Variants in RGS9 observed in about 807,000 individuals in gnomAD.
RGS9 encodes the protein regulator of G protein signaling 9.
Under a neutral mutation model 102.0 loss-of-function variants are expected in RGS9, and 78 were observed. That is an observed-to-expected ratio of 0.76 (90% CI 0.64 to 0.92). RGS9 has a LOEUF of 0.92. RGS9 is among the 40% of genes least tolerant of loss of function. The probability of loss-of-function intolerance (pLI) is 0.00; values close to 1 mark genes in which losing one functional copy is unlikely to be tolerated. For missense variants in RGS9, 833 were observed against 866.1 expected, an observed-to-expected ratio of 0.96 and a Z score of 0.48; for synonymous variants, 353 against 318.6, an observed-to-expected ratio of 1.11 and a Z score of -1.15.
At chr17:65,148,277 CT>C (rs1302156581) in intron 1 of RGS9, among the ~76,000 whole-genome samples, 2 of 152,190 alleles carry the variant, frequency 1.3e-5, no homozygotes, top group African/African-American at 4.8e-5. Context: ...AAACAATGTT[CT>C]TTTGTATGCA....
chr17:65,212,993 A>G (rs561260085), intron 17 of RGS9, among the ~76,000 whole-genome samples: 2 of 152,344 alleles, frequency 1.3e-5, no homozygotes, highest in South Asian at 4.1e-4. Flanking sequence ...AATGAATGAA[A>G]AGAGCCCTGG....
chr17:65,201,014 T>A (rs571267727), intron 13 of RGS9, among the ~76,000 whole-genome samples: 62 of 152,246 alleles, frequency 4.1e-4, no homozygotes, highest in African/African-American at 1.4e-3. Context: ...CCCTAACCCC[T>A]TAATTGTTCA....
intron 13 of RGS9, among the ~76,000 whole-genome samples, chr17:65,199,433 A>AGCATAATGTTTTCAGG (rs1912728551): frequency 1.3e-5 from 2 of 150,104 alleles, no homozygotes; most frequent in Non-Finnish European, 3.0e-5. Context: ...TTTTTCACTT[A>AGCATAATGTTTTCAGG]GCATAATGTT....
intron 8 of RGS9, among the ~76,000 whole-genome samples, chr17:65,171,077 C>T (rs185566348): frequency 2.6e-5 from 4 of 152,286 alleles, no homozygotes; most frequent in East Asian, 3.9e-4. Context: ...AAGCACTTGG[C>T]GCCGTGGAGT....
chr17:65,174,473 C>T (rs2144028885), intron 8 of RGS9, among the ~76,000 whole-genome samples: 1 of 150,186 alleles, frequency 6.7e-6, no homozygotes, highest in East Asian at 2.0e-4. Context: ...GCATGTATGT[C>T]AGTGTGTTGG....
At chr17:65,225,543 C>CT in intron 18 of RGS9, 57 bp downstream of exon 18, 1 of 1,598,484 alleles carries the variant, frequency 6.3e-7, no homozygotes, top group Admixed American at 1.7e-5. Context: ...GTGCAGGCCT[C>CT]TGCATGTGAA....
rs373608422 is a variant in RGS9 at position 65,168,262 on chromosome 17, G to T, written c.563G>T (p.Trp188Leu). 1 of 1,609,868 alleles carries T rather than the reference G, an allele frequency of 6.2e-7. No individual in the cohort carries two copies. Among genetic ancestry groups the T allele is most frequent in the South Asian group, 1.1e-5 (1 of 89,936 alleles). ...CTGGACTGCCAGGAGAAGGCATACT[G>T]GCTGGTGCACCGATGCCCTGTGAGT... The part of the protein sequence containing the change: ...YALDCQEKAY[W>L]LVHRCPPGMD... The change falls in exon 8 of 19, where the codon TGG (tryptophan) becomes TTG (leucine). Residue 188 changes from tryptophan to leucine, a missense_variant. By Grantham distance (61) the Trp-to-Leu change is moderately conservative (BLOSUM62 -2). This residue lies in a region of RGS9 where 328 missense variants were observed against 340.6 expected (regional missense o/e 0.96). Coordinates refer to ENST00000262406, the MANE Select transcript of RGS9 (RefSeq NM_003835.4).
intron 8 of RGS9, among the ~76,000 whole-genome samples, chr17:65,174,471 G>A (rs1911541013): frequency 6.6e-6 from 1 of 151,944 alleles, no homozygotes; most frequent in Non-Finnish European, 1.5e-5. Flanking sequence ...GAGCATGTAT[G>A]TCAGTGTGTT....
chr17:65,139,918 C>T (rs545817632), intron 1 of RGS9, among the ~76,000 whole-genome samples: 3 of 152,146 alleles, frequency 2.0e-5, no homozygotes, highest in Non-Finnish European at 4.4e-5. Flanking sequence ...CAGCTACATT[C>T]GATGTTCAGC....
chr17:65,192,988 G>A (rs1472127523), intron 11 of RGS9, among the ~76,000 whole-genome samples: 1 of 152,010 alleles, frequency 6.6e-6, no homozygotes, highest in Non-Finnish European at 1.5e-5. Context: ...AGAAAGGCCG[G>A]GCATGGTGGC....
At position 65,137,505 on chromosome 17, in the gene RGS9, C is replaced by T. The variant is rs770069403; in HGVS notation, c.-36C>T. The T allele has an allele frequency of 5.6e-6, 9 of 1,606,394 alleles. No individual in the cohort carries two copies. In the South Asian group the frequency reaches 7.7e-5, roughly 14 times the overall value. ...GGGGGGCTTCTCCTCTTGTCTCCCA[C>T]TGGTGCTCTGGCTGTGAATCCATCC... On this transcript the variant is annotated 5_prime_UTR_variant, in exon 1 of 19. Transcript: ENST00000262406.
intron 7 of RGS9, among the ~76,000 whole-genome samples, chr17:65,164,972 G>A (rs1183448137): frequency 2.6e-5 from 4 of 152,162 alleles, no homozygotes; most frequent in South Asian, 4.1e-4. Flanking sequence ...GTCACTTGGT[G>A]AGATAATGGT....
chr17:65,160,195 C>T lies in RGS9; in HGVS notation c.206-38C>T, dbSNP rs926356661. 6 of 1,518,420 alleles carry T rather than the reference C, an allele frequency of 4.0e-6. No individual in the cohort carries two copies. In the Admixed American group the frequency reaches 6.7e-5, roughly 17 times the overall value. 94.1% of individuals were successfully genotyped at this position (1,518,420 alleles called of 1,614,324 possible). On this transcript the variant is annotated intron_variant, in intron 3 of 18. Coordinates refer to ENST00000262406, the MANE Select transcript of RGS9 (RefSeq NM_003835.4). The stretch of plus-strand genomic sequence containing the variant: ...GCCGGCAATGAGCTCCTGTCTCAGC[C>T]CTGCTCTTAACATCCATGTCTGAAC...
At chr17:65,188,260 C>T (rs771746727) in intron 9 of RGS9, among the ~76,000 whole-genome samples, 1 of 152,174 alleles carries the variant, frequency 6.6e-6, no homozygotes, top group Non-Finnish European at 1.5e-5. Flanking sequence ...CATGAAGCCC[C>T]TCTTGGAACT....
chr17:65,220,677 G>A (rs1913677302), intron 17 of RGS9, among the ~76,000 whole-genome samples: 1 of 152,250 alleles, frequency 6.6e-6, no homozygotes, highest in African/African-American at 2.4e-5. Flanking sequence ...CTCCCAGGAA[G>A]TGGGAGTTCA....
intron 1 of RGS9, among the ~76,000 whole-genome samples, chr17:65,139,563 C>A (rs1183553812): frequency 6.6e-6 from 1 of 152,176 alleles, no homozygotes; most frequent in Non-Finnish European, 1.5e-5. Flanking sequence ...ACCCGGTGCC[C>A]TTTCATGCCT....
At chr17:65,227,131 A>C (rs1302234540) in intron 18 of RGS9, 144 bp from the exon 19 acceptor site, 4 of 976,402 alleles carry the variant, frequency 4.1e-6, no homozygotes, top group Non-Finnish European at 6.4e-6. Context: ...CAAATGCTCT[A>C]CCCCTGAGCT....
intron 17 of RGS9, among the ~76,000 whole-genome samples, chr17:65,211,086 C>T (rs1913277189): frequency 6.6e-6 from 1 of 152,150 alleles, no homozygotes. Context: ...AAAAGAAGGC[C>T]TCTCCCCATA....
intron 9 of RGS9, among the ~76,000 whole-genome samples, chr17:65,184,856 A>T (rs1217315160): frequency 1.6e-4 from 16 of 97,768 alleles, no homozygotes; most frequent in African/African-American, 3.4e-4. Flanking sequence ...CTTCCTTCTC[A>T]CTGTCTCTCT....
Sources: allele counts gnomAD v4.1 joint callset (sites outside exome capture counted in the v4.1 genomes callset), GRCh38; gene constraint gnomAD v4.1.1; regional missense constraint gnomAD v4.1.1; transcripts MANE v1.5; gene names NCBI Gene and HGNC (gene_info 2026-07-23, HGNC 2026-07-21).